The following CEP112 variants were observed in gnomAD, a reference collection of about 807,000 sequenced individuals.
CEP112 encodes the protein centrosomal protein 112.
CEP112 carries 127 observed loss-of-function variants against 153.0 expected under a neutral mutation model. That is an observed-to-expected ratio of 0.83 (90% CI 0.72 to 0.96). The LOEUF is 0.96. CEP112 is among the 40% of genes least tolerant of loss of function. CEP112 has a pLI of 0.00. For missense variants in CEP112, 1,089 were observed against 1,101.2 expected, an observed-to-expected ratio of 0.99 and a Z score of 0.16; for synonymous variants, 358 against 374.4, an observed-to-expected ratio of 0.96 and a Z score of 0.51.
chr17:66,024,921 C>T (rs1235866508), intron 16 of CEP112, among the ~76,000 whole-genome samples: 1 of 152,074 alleles, frequency 6.6e-6, no homozygotes, highest in Non-Finnish European at 1.5e-5. Context: ...GTAACTAAAA[C>T]AGCATGGAAC....
At chr17:65,779,493 A>G (rs1219726530) in intron 21 of CEP112, among the ~76,000 whole-genome samples, 1 of 152,184 alleles carries the variant, frequency 6.6e-6, no homozygotes, top group Non-Finnish European at 1.5e-5. Flanking sequence ...GTTTGATGTC[A>G]TCATCACAGG....
intron 4 of CEP112, among the ~76,000 whole-genome samples, chr17:66,152,148 T>C (rs2071237123): frequency 6.6e-6 from 1 of 152,172 alleles, no homozygotes. Context: ...TATGGAAACA[T>C]CTTTGTGTGT....
intron 21 of CEP112, among the ~76,000 whole-genome samples, chr17:65,793,475 G>A (rs901350080): frequency 7.2e-5 from 11 of 151,924 alleles, no homozygotes; most frequent in African/African-American, 2.2e-4. Context: ...CACATCCTGC[G>A]CATGTACCCC....
chr17:65,995,754 C>T (rs984098939), intron 17 of CEP112, among the ~76,000 whole-genome samples: 2 of 152,158 alleles, frequency 1.3e-5, no homozygotes, highest in African/African-American at 4.8e-5. Flanking sequence ...AATTGTAGCT[C>T]CCATAATTCC....
At chr17:66,028,543 AT>A (rs897313745) in intron 14 of CEP112, 138 bp from the exon 15 acceptor site, 1 of 428,022 alleles carries the variant, frequency 2.3e-6, no homozygotes, top group South Asian at 7.2e-5. Flanking sequence ...TGAATGAAAA[AT>A]GTTTTTAAAA....
intron 17 of CEP112, among the ~76,000 whole-genome samples, chr17:65,976,978 TC>T (rs1196166136): frequency 6.6e-6 from 1 of 152,126 alleles, no homozygotes; most frequent in Non-Finnish European, 1.5e-5. Context: ...CCTCAGGTGA[TC>T]CGCCCGCCTA....
At position 66,096,324 on chromosome 17, in the gene CEP112, G is replaced by A; in HGVS notation, c.695C>T (p.Thr232Ile). 6.2e-7 allele frequency: 1 copy of A among 1,612,582 alleles called. No homozygotes were observed. Among genetic ancestry groups the A allele is most frequent in the Non-Finnish European group, 8.5e-7 (1 of 1,179,086 alleles). The change falls in exon 8 of 27, where the codon ACA (threonine) becomes ATA (isoleucine). Residue 232 changes from threonine to isoleucine, a missense_variant. Coordinates refer to ENST00000535342, the MANE Select transcript of CEP112 (RefSeq NM_001199165.4). ...GGATTTTCTCAGGCTGAATTTCGGT[G>A]TCATCTGCTAAATGAACAGGAGTTA... The part of the protein sequence containing the change: ...RQKPIPVSLM[T>I]PKFSLRKSSS...
intron 19 of CEP112, among the ~76,000 whole-genome samples, chr17:65,908,488 G>A (rs191696966): frequency 6.6e-6 from 1 of 152,282 alleles, no homozygotes; most frequent in Admixed American, 6.5e-5. Flanking sequence ...CTGAGGTCAG[G>A]AGTTCAAGAC....
rs536442544 is a variant in CEP112, at chr17:65,782,694, T to C, written c.2395-31970A>G. ...CGAAATCATGTCCTTTGCAGCAACA[T>C]GGATACAGCTGGAGGCCATTAGCCC... is the stretch of plus-strand genomic sequence containing the variant. On this transcript the variant is annotated intron_variant, in intron 21 of 26. Transcript: ENST00000535342. Among the ~76,000 whole-genome samples, 48 of 152,246 alleles carry C rather than the reference T, an allele frequency of 3.2e-4. 1 individual carries two copies. The highest frequency in any genetic ancestry group is 3.4e-3 in the Middle Eastern group (1 of 294).
intron 20 of CEP112, among the ~76,000 whole-genome samples, chr17:65,858,719 C>G (rs761767568): frequency 6.6e-6 from 1 of 152,154 alleles, no homozygotes; most frequent in Non-Finnish European, 1.5e-5. Flanking sequence ...AAATAAATGG[C>G]AGGTTAAGTG....
At chr17:66,048,485 C>T (rs2066306839) in intron 12 of CEP112, among the ~76,000 whole-genome samples, 1 of 152,182 alleles carries the variant, frequency 6.6e-6, no homozygotes, top group Non-Finnish European at 1.5e-5. Context: ...CAAAAACTAA[C>T]TCCAGAAGGA....
At chr17:65,970,805 G>T (rs574734981) in intron 17 of CEP112, among the ~76,000 whole-genome samples, 6 of 152,186 alleles carry the variant, frequency 3.9e-5, no homozygotes, top group African/African-American at 1.2e-4. Flanking sequence ...TTGCACATGT[G>T]TATGGCGCAT....
intron 19 of CEP112, among the ~76,000 whole-genome samples, chr17:65,916,132 A>G (rs1283777245): frequency 6.6e-6 from 1 of 152,190 alleles, no homozygotes. Context: ...AACACCTTGT[A>G]TAAAATAATA....
chr17:65,897,365 G>T (rs1043925461), intron 20 of CEP112, among the ~76,000 whole-genome samples: 1 of 152,048 alleles, frequency 6.6e-6, no homozygotes, highest in Non-Finnish European at 1.5e-5. Flanking sequence ...TTTAATACAG[G>T]TGTAAGTATC....
At chr17:65,927,351 C>G (rs375058038) in intron 19 of CEP112, among the ~76,000 whole-genome samples, 1 of 152,066 alleles carries the variant, frequency 6.6e-6, no homozygotes, top group Non-Finnish European at 1.5e-5. Flanking sequence ...CAATTATAAT[C>G]GATGTTTCAA....
At chr17:66,103,444 T>C (rs2068649525) in intron 6 of CEP112, among the ~76,000 whole-genome samples, 1 of 152,148 alleles carries the variant, frequency 6.6e-6, no homozygotes. Flanking sequence ...CATTTGCAGA[T>C]ACCTACTTAC....
chr17:65,813,409 AGCATGAATT>A (rs1361470467), intron 21 of CEP112, among the ~76,000 whole-genome samples: 2 of 152,232 alleles, frequency 1.3e-5, no homozygotes, highest in African/African-American at 4.8e-5. Context: ...TGTGGCAACA[AGCATGAATT>A]GGTTCATAAA....
Sources: gnomAD v4.1 joint callset for allele counts (sites outside exome capture counted in the v4.1 genomes callset) on GRCh38, gnomAD v4.1.1 for gene constraint, MANE v1.5 for transcripts, NCBI Gene and HGNC (gene_info 2026-07-23, HGNC 2026-07-21) for gene names.